AKAP12: variants seen among roughly 807,000 people sequenced by gnomAD.
AKAP12 encodes the protein A-kinase anchoring protein 12.
In AKAP12, 32 loss-of-function variants were observed where a neutral mutation model predicts 79.9. The ratio of observed to expected loss-of-function variants is 0.40; its 90% CI spans 0.30 to 0.54. The LOEUF is 0.54. Among genes scored for constraint, AKAP12 ranks in the 20% least tolerant of loss-of-function variants. The pLI is 0.48. For missense variants in AKAP12, 2,074 were observed against 2,177.0 expected, an observed-to-expected ratio of 0.95 and a Z score of 0.94; for synonymous variants, 808 against 857.0, an observed-to-expected ratio of 0.94 and a Z score of 1.00.
chr6:151,266,750 A>G (rs1032023249), intron 2 of AKAP12, among the ~76,000 whole-genome samples: 1 of 152,210 alleles, frequency 6.6e-6, no homozygotes, highest in Non-Finnish European at 1.5e-5. Flanking sequence ...TGTATGGTAC[A>G]TATACCTGAT....
rs757221874 is a variant in AKAP12 at position 151,352,764 on chromosome 6, C to T, written c.4373C>T (p.Ser1458Phe). 6.2e-7 allele frequency: 1 copy of T among 1,614,094 alleles called. No individual in the cohort carries two copies. Among genetic ancestry groups the T allele is most frequent in the Non-Finnish European group, 8.5e-7 (1 of 1,180,024 alleles). ...CATTTAGTTCTGGAAGAGAAATCCT[C>T]TGAAAAAAATGAAGACTTTGCCGCT... ...GAHLVLEEKS[S>F]EKNEDFAAHP... The change falls in exon 4 of 5, where the codon TCT becomes TTT. Residue 1458 changes from serine to phenylalanine, a missense_variant. Physicochemically the swap from Ser to Phe is radical, Grantham distance 155. Around this residue, in one of 3 missense-constraint regions of AKAP12, gnomAD observed 614 missense variants for 665.6 expected, o/e 0.92. Transcript: ENST00000402676.
chr6:151,329,056 AG>A (rs1256729017), intron 3 of AKAP12, among the ~76,000 whole-genome samples: 4 of 152,152 alleles, frequency 2.6e-5, no homozygotes, highest in African/African-American at 9.7e-5. Flanking sequence ...ACAAGAAATA[AG>A]TGATGTGACA....
rs1405300394 is a variant in AKAP12 at position 151,349,922 on chromosome 6, G to A, written c.1531G>A (p.Val511Met). The change falls in exon 4 of 5, where the codon GTG (valine) becomes ATG (methionine). Residue 511 changes from valine (V) to methionine (M), a missense_variant. Around this residue, in one of 3 missense-constraint regions of AKAP12, gnomAD observed 1,428 missense variants for 1,451.0 expected, o/e 0.98. Coordinates refer to ENST00000402676, the MANE Select transcript of AKAP12 (RefSeq NM_005100.4). ...EMLSSQERMK[V>M]QGSPLKKLFT... ...GCTGTCATCACAGGAGAGAATGAAG[G>A]TGCAGGGAAGTCCACTAAAGAAGCT... The A allele has an allele frequency of 1.2e-6, 2 of 1,614,020 alleles. No homozygotes were observed. The highest frequency in any genetic ancestry group is 2.2e-5 in the South Asian group (2 of 91,070).
At chr6:151,254,039 A>G (rs1797242663) in intron 2 of AKAP12, among the ~76,000 whole-genome samples, 1 of 152,110 alleles carries the variant, frequency 6.6e-6, no homozygotes. Flanking sequence ...ATACTTAGAC[A>G]TGAGTTCCTG....
chr6:151,352,089 C>T lies in AKAP12; in HGVS notation c.3698C>T (p.Thr1233Ile), dbSNP rs1299771541. 2 of 1,614,012 alleles carry T rather than the reference C, an allele frequency of 1.2e-6. No individual in the cohort carries two copies. Among genetic ancestry groups the T allele is most frequent in the Non-Finnish European group, 1.7e-6 (2 of 1,180,028 alleles). The change falls in exon 4 of 5, where the codon ACT (threonine) becomes ATT (isoleucine). Residue 1233 changes from threonine to isoleucine, a missense_variant. This residue lies in a region of AKAP12 where 614 missense variants were observed against 665.6 expected (regional missense o/e 0.92). Transcript: ENST00000402676. ...TCCAGTTTTGTGTTCCAGGAAGAAA[C>T]TAAAGAACAATCAAAGATGGAAGAC... is the stretch of plus-strand genomic sequence containing the variant. Reference protein sequence around the residue: ...APSSFVFQEETKEQSKMEDTL... With the variant: ...APSSFVFQEEIKEQSKMEDTL...
chr6:151,301,314 A>G (rs914643079), intron 2 of AKAP12, among the ~76,000 whole-genome samples: 1 of 152,196 alleles, frequency 6.6e-6, no homozygotes, highest in African/African-American at 2.4e-5. Context: ...TGTACCCACA[A>G]TGTATGAAAC....
intron 3 of AKAP12, among the ~76,000 whole-genome samples, chr6:151,345,514 G>T (rs1778068271): frequency 6.6e-6 from 1 of 151,524 alleles, no homozygotes; most frequent in Non-Finnish European, 1.5e-5. Context: ...AAAATTAGAG[G>T]CTGGGGGCAG....
chr6:151,316,114 G>C (rs1777227283), intron 3 of AKAP12, among the ~76,000 whole-genome samples: 1 of 152,142 alleles, frequency 6.6e-6, no homozygotes, highest in Non-Finnish European at 1.5e-5. Flanking sequence ...TATATTCTCT[G>C]GGCTTAAAAT....
chr6:151,278,916 C>T (rs1582851685), intron 2 of AKAP12, among the ~76,000 whole-genome samples: 1 of 152,152 alleles, frequency 6.6e-6, no homozygotes, highest in Non-Finnish European at 1.5e-5. Flanking sequence ...ATCCGCCTGC[C>T]CCGGCCTCCC....
rs756487621 is a variant in AKAP12, at chr6:151,351,176, G to T, written c.2785G>T (p.Ala929Ser). Residue 929 changes from alanine (A) to serine (S), a missense_variant, in exon 4 of 5, where the codon GCC becomes TCC. Physicochemically the swap from Ala to Ser is moderately conservative, Grantham distance 99. Coordinates refer to ENST00000402676, the MANE Select transcript of AKAP12 (RefSeq NM_005100.4). The surrounding 1 kb of genome is among the most constrained non-coding windows in gnomAD (Gnocchi z 4.4). ...TEPLEQVEAE[A>S]ALLTEEVLER... is the part of the protein sequence containing the mutation. ...ACCTCTTGAACAAGTAGAAGCTGAA[G>T]CCGCACTGTTAACTGAGGAGGTATT... The T allele has an allele frequency of 2.0e-5, 33 of 1,614,116 alleles. No homozygotes were observed. Among genetic ancestry groups the T allele is most frequent in the Non-Finnish European group, 2.8e-5 (33 of 1,180,064 alleles).
intron 3 of AKAP12, among the ~76,000 whole-genome samples, chr6:151,337,408 G>A (rs1777842698): frequency 6.6e-6 from 1 of 151,596 alleles, no homozygotes; most frequent in Non-Finnish European, 1.5e-5. Flanking sequence ...CCAGCTACTT[G>A]GGAGGCTAGG....
Position 151,349,033 on chromosome 6 carries a change from C to T in AKAP12, c.642C>T (p.Asp214=), listed in dbSNP as rs781318638. 20 of 1,613,356 alleles carry T rather than the reference C, an allele frequency of 1.2e-5. No homozygotes were observed. Among genetic ancestry groups the T allele is most frequent in the Non-Finnish European group, 1.4e-5 (17 of 1,179,906 alleles). Residue 214 remains aspartate, a synonymous_variant, in exon 4 of 5, where the codon GAC becomes GAT. Coordinates refer to ENST00000402676, the MANE Select transcript of AKAP12 (RefSeq NM_005100.4). The stretch of plus-strand genomic sequence containing the variant: ...GGGAGGGAGCAGCAGGGGCTGGCGA[C>T]CACAAGGACCCCAGCCTTGGGGCTG... ...DEGEGAAGAG[D]HKDPSLGAGE...
chr6:151,267,376 T>G (rs1321336474), intron 2 of AKAP12, among the ~76,000 whole-genome samples: 2 of 152,242 alleles, frequency 1.3e-5, no homozygotes, highest in Non-Finnish European at 2.9e-5. Context: ...TTGTACTTAA[T>G]TGACATAGTC....
intron 2 of AKAP12, among the ~76,000 whole-genome samples, chr6:151,258,926 C>CTG (rs35650826): frequency 0.12 from 18,411 of 147,976 alleles, 1,336 homozygotes; most frequent in East Asian, 0.36. Context: ...TGTGCCCAGC[C>CTG]TGTGTGTGTG....
At chr6:151,287,930 T>C (rs1216031445) in intron 2 of AKAP12, among the ~76,000 whole-genome samples, 2 of 152,086 alleles carry the variant, frequency 1.3e-5, no homozygotes, top group African/African-American at 4.8e-5. Flanking sequence ...TGGATAAAGC[T>C]GGAAACCATC....
At chr6:151,264,368 T>TA (rs11324571) in intron 2 of AKAP12, among the ~76,000 whole-genome samples, 3,979 of 104,642 alleles carry the variant, frequency 0.038, 72 homozygotes, top group African/African-American at 0.061. Flanking sequence ...CCCCACCTCT[T>TA]AAAAAAAAAA....
chr6:151,308,218 G>A (rs1777017427), intron 3 of AKAP12, among the ~76,000 whole-genome samples: 2 of 151,348 alleles, frequency 1.3e-5, no homozygotes, highest in African/African-American at 4.9e-5. Context: ...TATTGTTGTT[G>A]TTTGTTTATT....
chr6:151,341,281 T>C (rs1251836427), intron 3 of AKAP12, among the ~76,000 whole-genome samples: 1 of 152,202 alleles, frequency 6.6e-6, no homozygotes, highest in Non-Finnish European at 1.5e-5. Context: ...CTCTAACTCC[T>C]GATCTCAGGT....
rs553449017 is a variant in AKAP12, at chr6:151,282,209, C to T, written c.163-23538C>T. Reference sequence around the variant, plus strand: ...AGCGGGAGGCAGAGGTTGCAGTGAGCCGAGTAGTAGCTGCCTCAGCCTCCT... The same window carrying T: ...AGCGGGAGGCAGAGGTTGCAGTGAGTCGAGTAGTAGCTGCCTCAGCCTCCT... On this transcript the variant is annotated intron_variant, in intron 2 of 4. Coordinates refer to ENST00000402676, the MANE Select transcript of AKAP12 (RefSeq NM_005100.4). Among the ~76,000 whole-genome samples, 3 of 151,902 alleles carry T rather than the reference C, an allele frequency of 2.0e-5. No homozygotes were observed. In the South Asian group the frequency reaches 6.2e-4, roughly 32 times the overall value.
Sources: allele counts gnomAD v4.1 joint callset (sites outside exome capture counted in the v4.1 genomes callset), GRCh38; gene constraint gnomAD v4.1.1; regional missense constraint gnomAD v4.1.1; non-coding constraint Gnocchi (gnomAD v3.1); transcripts MANE v1.5; gene names NCBI Gene and HGNC (gene_info 2026-07-23, HGNC 2026-07-21).